The following C20orf173 variants were observed in gnomAD, a reference collection of about 807,000 sequenced individuals.
The protein encoded by C20orf173 is chromosome 20 open reading frame 173, also known as uncharacterized protein C20orf173.
Under a neutral mutation model 26.7 loss-of-function variants are expected in C20orf173, and 22 were observed. That is an observed-to-expected ratio of 0.82 (90% CI 0.59 to 1.18). The LOEUF is 1.18. C20orf173 is among the 50% of genes most tolerant of loss of function. C20orf173 has a pLI of 0.00. For synonymous variants in C20orf173, 85 were observed against 96.4 expected (o/e 0.88, Z 0.69); for missense variants, 210 against 250.3 (o/e 0.84, Z 1.09).
At chr20:35,522,524 A>C (rs769168895), downstream of C20orf173, 2 of 152,804 alleles carry the variant, frequency 1.3e-5, no homozygotes, top group African/African-American at 4.8e-5. Flanking sequence ...CCCAGGGTAC[A>C]TAACGCGCAT....
chr20:35,528,811 C>G lies in C20orf173; in HGVS notation c.378G>C (p.Ser126=), dbSNP rs372916916. The change falls in exon 3 of 6, where the codon TCG becomes TCC. Residue 126 remains serine, a synonymous_variant. Coordinates refer to ENST00000444723, the MANE Select transcript of C20orf173 (RefSeq NM_001145350.2). ...CACAATAGAAATCAAAATGGCTCACCGAGAGCCTGGGAATCCCTTTAAACA... is the reference window on the plus strand; with the variant it reads ...CACAATAGAAATCAAAATGGCTCACGGAGAGCCTGGGAATCCCTTTAAACA... The part of the protein sequence containing the change: ...RKLFKGIPRL[S]VSHFDFYCGT... 9.0e-6 allele frequency: 14 copies of G among 1,551,280 alleles called. No individual in the cohort carries two copies. The highest frequency in any genetic ancestry group is 1.2e-5 in the Non-Finnish European group (14 of 1,146,942).
Position 35,528,878 on chromosome 20 carries a change from C to T in C20orf173, c.311G>A (p.Gly104Asp), listed in dbSNP as rs1279695235. Residue 104 changes from glycine (G) to aspartate (D), a missense_variant and splice_region_variant, in exon 3 of 6, where the codon GGC (glycine) becomes GAC (aspartate). Transcript: ENST00000444723. ...MTSDTVLWWL[G>D]MNSGSELGKL... ...CCCAAGCTCGCTCCCTGAGTTCATG[C>T]CCTGGAAACAGCAAGAGGGAGATTG... The T allele has an allele frequency of 5.8e-6, 9 of 1,551,370 alleles. No individual in the cohort carries two copies. The highest frequency in any genetic ancestry group is 7.8e-6 in the Non-Finnish European group (9 of 1,146,898).
chr20:35,529,512 A>C, intron 1 of C20orf173, 47 bp downstream of exon 1: 2 of 728,846 alleles, frequency 2.7e-6, no homozygotes, highest in Non-Finnish European at 4.4e-6. Flanking sequence ...ACCACCTTCC[A>C]CCTCCTTCCA....
rs76253047 is a variant in C20orf173 at position 35,528,614 on chromosome 20, T to C, written c.489-70A>G. On this transcript the variant is annotated intron_variant, in intron 3 of 5. Transcript: ENST00000444723. ...ATCTCAAAGCCCTGGACTTGGGGCC[T>C]GCTTCATCTTGGGAAGGGGAGCAGA... 4,040 of 1,546,928 alleles carry C rather than the reference T, an allele frequency of 2.6e-3. 93 individuals are homozygous for C. In the African/African-American group the frequency reaches 0.049, roughly 19 times the overall value.
chr20:35,527,363 C>T (rs1047183263), intron 5 of C20orf173, 113 bp from the exon 6 acceptor site: 1 of 152,006 alleles, frequency 6.6e-6, no homozygotes, highest in African/African-American at 2.4e-5. Context: ...TGGGAGGAGA[C>T]TGGAGCTCAC....
At chr20:35,521,814 G>C (rs536078226), downstream of C20orf173, among the ~76,000 whole-genome samples, 1 of 152,156 alleles carries the variant, frequency 6.6e-6, no homozygotes, top group African/African-American at 2.4e-5. Context: ...CTCCATGTTG[G>C]TCAGGCTGGT....
rs749188421 is a variant in C20orf173, at chr20:35,529,267, C to A, written c.107G>T (p.Arg36Leu). 1.3e-6 allele frequency: 2 copies of A among 1,551,666 alleles called. No homozygotes were observed. The highest frequency in any genetic ancestry group is 8.7e-7 in the Non-Finnish European group (1 of 1,146,996). Residue 36 changes from arginine (R) to leucine (L), a missense_variant, in exon 2 of 6, where the codon CGA becomes CTA. Arg to Leu is a moderately radical substitution (Grantham distance 102). Transcript: ENST00000444723. Reference protein sequence around the residue: ...LTPESAPQEKRMYLVPQHCDC... With the variant: ...LTPESAPQEKLMYLVPQHCDC... Reference sequence around the variant, plus strand: ...GCAATGCTGTGGTACCAAGTACATTCGTTTTTCCTGGGGTGCTGATTCAGG... The same window carrying A: ...GCAATGCTGTGGTACCAAGTACATTAGTTTTTCCTGGGGTGCTGATTCAGG...
rs77266347 is a variant in C20orf173, at chr20:35,526,997, T to C, written c.*279A>G. The C allele has an allele frequency of 2.6e-5, 4 of 152,320 alleles. No individual in the cohort carries two copies. The East Asian group carries it at 7.7e-4, about 29-fold the overall frequency. The allele number at this position is 152,320 out of a possible 1,614,324, so 9.4% of individuals were successfully genotyped here. On this transcript the variant is annotated 3_prime_UTR_variant, in exon 6 of 6. Transcript: ENST00000444723. Reference sequence around the variant, plus strand: ...CAGGTAAGACAATCAGGCCAGGATTTTATTCAGTACCAGACTGATCTTACA... The same window carrying C: ...CAGGTAAGACAATCAGGCCAGGATTCTATTCAGTACCAGACTGATCTTACA...
intron 5 of C20orf173, among the ~76,000 whole-genome samples, chr20:35,527,936 G>T (rs1471403803): frequency 6.6e-6 from 1 of 152,190 alleles, no homozygotes; most frequent in African/African-American, 2.4e-5. Context: ...ACAGGCATGA[G>T]CCACCACGCT....
chr20:35,527,293 C>T (rs978705681), intron 5 of C20orf173, 43 bp from the exon 6 acceptor site: 1 of 152,066 alleles, frequency 6.6e-6, no homozygotes, highest in African/African-American at 2.4e-5. Flanking sequence ...AGGCAGACTC[C>T]TGTCCTCACC....
intron 4 of C20orf173, 79 bp downstream of exon 4, chr20:35,528,372 C>T: frequency 6.5e-7 from 1 of 1,547,254 alleles, no homozygotes. Context: ...AGAAGGTCTT[C>T]CCAGAGCCCC....
intron 3 of C20orf173, 23 bp from the exon 4 acceptor site, chr20:35,528,567 T>C: frequency 6.4e-7 from 1 of 1,551,268 alleles, no homozygotes; most frequent in Non-Finnish European, 8.7e-7. Flanking sequence ...AAGCATTGTG[T>C]GTGGTTTGGT....
At position 35,528,295 on chromosome 20, in the gene C20orf173, AT is replaced by A; in HGVS notation, c.583-12del. The A allele has an allele frequency of 6.4e-6, 10 of 1,551,970 alleles. No individual in the cohort carries two copies. The highest frequency in any genetic ancestry group is 2.4e-5 in the East Asian group (1 of 40,914). On this transcript the variant is annotated splice_polypyrimidine_tract_variant and intron_variant, in intron 4 of 5. Coordinates refer to ENST00000444723, the MANE Select transcript of C20orf173 (RefSeq NM_001145350.2). ...ACCATCTTCCAAAATCTGAGAAAGA[AT>A]TGGAGGTGGGGGAGTTTGGGCCACA...
intron 5 of C20orf173, among the ~76,000 whole-genome samples, chr20:35,527,743 C>T (rs1168577166): frequency 1.1e-4 from 16 of 152,142 alleles, no homozygotes; most frequent in Admixed American, 1.0e-3. Context: ...CTCAGCCTCC[C>T]GAGTAGCTGG....
At chr20:35,526,399 T>C (rs1354471980), downstream of C20orf173, among the ~76,000 whole-genome samples, 1 of 152,134 alleles carries the variant, frequency 6.6e-6, no homozygotes, top group Non-Finnish European at 1.5e-5. Flanking sequence ...GCCAAGGCAG[T>C]AGGATTGCTT....
In C20orf173 at chr20:35,528,464, G is replaced by A; in HGVS notation, c.569C>T (p.Ala190Val). The A allele has an allele frequency of 6.4e-7, 1 of 1,551,662 alleles. No individual in the cohort carries two copies. The highest frequency in any genetic ancestry group is 1.2e-5 in the South Asian group (1 of 84,062). The change falls in exon 4 of 6, where the codon GCT becomes GTT. Residue 190 changes from alanine (A) to valine (V), a missense_variant. Transcript: ENST00000444723. ...KLSDLVWTSD[A>V]LSDKILEDGL... The stretch of plus-strand genomic sequence containing the variant: ...CACCTCCATCACCTTATCACTTAGA[G>A]CATCTGAAGTCCACACCAGGTCAGA...
rs887796577 is a variant in C20orf173 at position 35,528,861 on chromosome 20, C to A, written c.328G>T (p.Glu110Ter). The A allele has an allele frequency of 1.3e-6, 2 of 1,551,308 alleles. No homozygotes were observed. Among genetic ancestry groups the A allele is most frequent in the African/African-American group, 1.4e-5 (1 of 72,978 alleles). Residue 110 changes from glutamate to a stop codon, truncating the protein, a stop_gained, in exon 3 of 6, where the codon GAG becomes TAG. Coordinates refer to ENST00000444723, the MANE Select transcript of C20orf173 (RefSeq NM_001145350.2). LOFTEE classifies it high-confidence loss of function. ...LWWLGMNSGS[E>*]LGKLWRKLFK... ...AGCTTCCTCCACAATTTCCCAAGCT[C>A]GCTCCCTGAGTTCATGCCCTGGAAA...
rs182903490 is a variant in C20orf173 at position 35,528,765 on chromosome 20, G to A, written c.424C>T (p.Arg142Cys). 7.9e-4 allele frequency: 1,229 copies of A among 1,548,684 alleles called. 8 individuals carry two copies. In the African/African-American group the frequency reaches 0.015, roughly 18 times the overall value. Reference sequence around the variant, plus strand: ...CTGGAGCCCTGCGGGATCTGTGGGCGCCCCAACAGCACACAAGTCCCACAA... The same window carrying A: ...CTGGAGCCCTGCGGGATCTGTGGGCACCCCAACAGCACACAAGTCCCACAA... ...FYCGTCVLLGRPQIPQGSSLG... is the reference protein window; with the variant it reads ...FYCGTCVLLGCPQIPQGSSLG... Residue 142 changes from arginine to cysteine, a missense_variant, in exon 3 of 6, where the codon CGC (arginine) becomes TGC (cysteine). Coordinates refer to ENST00000444723, the MANE Select transcript of C20orf173 (RefSeq NM_001145350.2).
At chr20:35,528,082 C>T (rs2064516209) in intron 5 of C20orf173, among the ~76,000 whole-genome samples, 151 bp downstream of exon 5, 1 of 152,190 alleles carries the variant, frequency 6.6e-6, no homozygotes, top group Non-Finnish European at 1.5e-5. Flanking sequence ...AGACACAGAA[C>T]AAAGCCTTGG....
Sources: gnomAD v4.1 joint callset for allele counts (sites outside exome capture counted in the v4.1 genomes callset) on GRCh38, gnomAD v4.1.1 for gene constraint, MANE v1.5 for transcripts, NCBI Gene and HGNC (gene_info 2026-07-23, HGNC 2026-07-21) for gene names.